The following CTNNA3 variants were observed in gnomAD, a reference collection of about 807,000 sequenced individuals.
CTNNA3 encodes the protein catenin alpha-3.
CTNNA3 carries 76 observed loss-of-function variants against 95.7 expected under a neutral mutation model. The observed-to-expected ratio is 0.79, with a 90% CI of 0.66 to 0.96. CTNNA3 has a LOEUF of 0.96. CTNNA3 is among the 40% of genes least tolerant of loss of function. The pLI, the probability that CTNNA3 is intolerant of heterozygous loss-of-function variation, is 0.00. For missense variants in CTNNA3, 1,191 were observed against 1,089.8 expected (o/e 1.09, Z -1.31); for synonymous variants, 431 against 374.4 (o/e 1.15, Z -1.74).
intron 12 of CTNNA3, among the ~76,000 whole-genome samples, chr10:66,372,337 A>G (rs2092760557): frequency 1.3e-5 from 2 of 152,184 alleles, no homozygotes; most frequent in Admixed American, 1.3e-4. Context: ...AGAATGAAAG[A>G]TGTGACCTCT....
chr10:66,360,643 CTTTCTTTCTTTCTTT>C (rs2092651341), intron 12 of CTNNA3, among the ~76,000 whole-genome samples: 13 of 61,788 alleles, frequency 2.1e-4, no homozygotes, highest in Middle Eastern at 5.2e-3. Flanking sequence ...TTCTTTCTTT[CTTTCTTTCTTTCTTT>C]CTTCCTTCCT....
chr10:66,475,770 G>A (rs1457016221), intron 11 of CTNNA3, among the ~76,000 whole-genome samples: 3 of 152,104 alleles, frequency 2.0e-5, no homozygotes, highest in Non-Finnish European at 4.4e-5. Flanking sequence ...TGATGGAAAT[G>A]TAAATTAGTT....
intron 11 of CTNNA3, among the ~76,000 whole-genome samples, chr10:66,466,762 C>T (rs1298402559): frequency 1.3e-5 from 2 of 152,026 alleles, no homozygotes; most frequent in Non-Finnish European, 2.9e-5. Flanking sequence ...AAGAATTTAT[C>T]ACAGATCTTA....
At chr10:66,090,990 G>A (rs1189380896) in intron 14 of CTNNA3, among the ~76,000 whole-genome samples, 1 of 151,928 alleles carries the variant, frequency 6.6e-6, no homozygotes, top group African/African-American at 2.4e-5. Flanking sequence ...AAAAGAAGGT[G>A]TTGCATTTGG....
intron 2 of CTNNA3, among the ~76,000 whole-genome samples, chr10:67,635,257 G>C (rs1449313904): frequency 6.6e-6 from 1 of 151,974 alleles, no homozygotes; most frequent in Non-Finnish European, 1.5e-5. Context: ...AAAAGGACTG[G>C]TATCATTTCT....
At chr10:66,519,881 G>A (rs1219036028) in intron 11 of CTNNA3, among the ~76,000 whole-genome samples, 1 of 152,120 alleles carries the variant, frequency 6.6e-6, no homozygotes, top group Non-Finnish European at 1.5e-5. Context: ...ATCTGTCTCA[G>A]ATTTTGTGGT....
intron 13 of CTNNA3, among the ~76,000 whole-genome samples, chr10:66,275,059 T>C (rs2091362702): frequency 6.6e-6 from 1 of 152,148 alleles, no homozygotes; most frequent in African/African-American, 2.4e-5. Flanking sequence ...GAAATACATA[T>C]TTTGAGTTTC....
At chr10:67,230,122 G>A (rs1865118625) in intron 5 of CTNNA3, among the ~76,000 whole-genome samples, 1 of 152,070 alleles carries the variant, frequency 6.6e-6, no homozygotes, top group African/African-American at 2.4e-5. Context: ...ATAAAAATAG[G>A]CACATAGACC....
At chr10:66,239,351 A>T (rs1315225332) in intron 13 of CTNNA3, among the ~76,000 whole-genome samples, 1 of 151,884 alleles carries the variant, frequency 6.6e-6, no homozygotes, top group Non-Finnish European at 1.5e-5. Flanking sequence ...TGGAGATTGA[A>T]AAAAGCTAAG....
intron 5 of CTNNA3, among the ~76,000 whole-genome samples, chr10:67,478,719 C>G (rs1269565994): frequency 6.6e-6 from 1 of 151,782 alleles, no homozygotes; most frequent in Non-Finnish European, 1.5e-5. Flanking sequence ...AGCAATCACA[C>G]AATAGAAACT....
At chr10:67,366,821 T>C (rs1045926693) in intron 5 of CTNNA3, among the ~76,000 whole-genome samples, 1 of 152,084 alleles carries the variant, frequency 6.6e-6, no homozygotes, top group African/African-American at 2.4e-5. Flanking sequence ...TGCAGAAGAA[T>C]AAAACTGGAC....
intron 3 of CTNNA3, among the ~76,000 whole-genome samples, chr10:67,563,129 G>GA (rs754897356): frequency 3.3e-5 from 5 of 151,960 alleles, no homozygotes; most frequent in African/African-American, 4.8e-5. Context: ...CACAGAATTG[G>GA]AAAAAACTAC....
At chr10:66,718,659 TATA>T (rs1450252789) in intron 9 of CTNNA3, among the ~76,000 whole-genome samples, 4 of 149,770 alleles carry the variant, frequency 2.7e-5, no homozygotes, top group African/African-American at 9.7e-5. Flanking sequence ...TCATTAATAA[TATA>T]ATAAAATAAA....
At chr10:66,197,449 A>G (rs2087039873) in intron 13 of CTNNA3, among the ~76,000 whole-genome samples, 1 of 152,156 alleles carries the variant, frequency 6.6e-6, no homozygotes, top group Non-Finnish European at 1.5e-5. Context: ...CTTTGATCTC[A>G]TAAACCTAGA....
At chr10:66,604,057 GA>G (rs2132265963) in intron 10 of CTNNA3, among the ~76,000 whole-genome samples, 1 of 151,762 alleles carries the variant, frequency 6.6e-6, no homozygotes, top group Admixed American at 6.6e-5. Flanking sequence ...AAGCAAAGGT[GA>G]AAAAAGCAAA....
intron 5 of CTNNA3, among the ~76,000 whole-genome samples, chr10:67,358,733 TG>T (rs1246676356): frequency 7.2e-5 from 11 of 152,084 alleles, no homozygotes; most frequent in Admixed American, 6.5e-5. Context: ...GTCAGAGAGT[TG>T]TAAGTCTCCT....
intron 10 of CTNNA3, among the ~76,000 whole-genome samples, chr10:66,567,132 A>G (rs1237741050): frequency 6.6e-6 from 1 of 151,716 alleles, no homozygotes; most frequent in East Asian, 1.9e-4. Context: ...TCATTTTTCA[A>G]TATCACTATC....
chr10:67,037,724 A>C (rs571868636), intron 7 of CTNNA3, among the ~76,000 whole-genome samples: 1 of 152,306 alleles, frequency 6.6e-6, no homozygotes, highest in South Asian at 2.1e-4. Flanking sequence ...AAATAGGTGT[A>C]GGTGGTGTGA....
intron 9 of CTNNA3, among the ~76,000 whole-genome samples, chr10:66,650,532 G>T (rs931131492): frequency 6.6e-6 from 1 of 152,152 alleles, no homozygotes; most frequent in Admixed American, 6.5e-5. Context: ...TGGGTTCTTG[G>T]TCTCGCTGAC....
Sources: allele counts gnomAD v4.1 joint callset (sites outside exome capture counted in the v4.1 genomes callset), GRCh38; gene constraint gnomAD v4.1.1; transcripts MANE v1.5; gene names NCBI Gene and HGNC (gene_info 2026-07-23, HGNC 2026-07-21).